The following ADA variants were observed in gnomAD, a reference collection of about 807,000 sequenced individuals.
ADA encodes adenosine deaminase, also known as adenosine aminohydrolase.
Under a neutral mutation model 49.0 loss-of-function variants are expected in ADA, and 45 were observed. That is an observed-to-expected ratio of 0.92 (90% CI 0.72 to 1.18). The LOEUF (loss-of-function observed/expected upper bound fraction) is 1.18. Among genes scored for constraint, ADA ranks in the 50% most tolerant of loss-of-function variants. ADA has a pLI of 0.00. For synonymous variants in ADA, 173 were observed against 184.2 expected, an observed-to-expected ratio of 0.94 and a Z score of 0.49; for missense variants, 445 against 472.5, an observed-to-expected ratio of 0.94 and a Z score of 0.54.
At position 44,625,692 on chromosome 20, in the gene ADA, A is replaced by C. The variant is rs1015455929; in HGVS notation, c.363-8T>G. 2.6e-6 allele frequency: 4 copies of C among 1,554,136 alleles called. No individual in the cohort carries two copies. The highest frequency in any genetic ancestry group is 3.5e-6 in the Non-Finnish European group (4 of 1,147,572). On this transcript the variant is annotated splice_region_variant and splice_polypyrimidine_tract_variant and intron_variant, in intron 4 of 11. Transcript: ENST00000372874. ...TCTGGGGTGAGGTCCCCTCTGTGTG[A>C]GGAGAGGAGTAGGGATGGGCCTGAG...
At chr20:44,642,230 T>C (rs577172588) in intron 1 of ADA, among the ~76,000 whole-genome samples, 40 of 152,192 alleles carry the variant, frequency 2.6e-4, no homozygotes, top group Non-Finnish European at 4.7e-4. Context: ...GGACAAGCAG[T>C]ATGAGGTCAA....
At chr20:44,625,272 T>C (rs763367946) in intron 5 of ADA, among the ~76,000 whole-genome samples, 2 of 152,186 alleles carry the variant, frequency 1.3e-5, no homozygotes, top group African/African-American at 2.4e-5. Flanking sequence ...GACTATGGGC[T>C]GATCAGAATC....
chr20:44,636,314 A>G (rs768358028), intron 1 of ADA, 26 bp from the exon 2 acceptor site: 5 of 1,547,814 alleles, frequency 3.2e-6, no homozygotes, highest in East Asian at 2.3e-5. Flanking sequence ...GGGAAGAGAG[A>G]GAGAAAGGGA....
At chr20:44,649,653 G>T (rs1342220379) in intron 1 of ADA, among the ~76,000 whole-genome samples, 2 of 151,924 alleles carry the variant, frequency 1.3e-5, no homozygotes, top group Non-Finnish European at 1.5e-5. Context: ...GGATCCAATG[G>T]GTGTCTGCAA....
At chr20:44,637,370 G>A (rs750148957) in intron 1 of ADA, among the ~76,000 whole-genome samples, 1 of 152,144 alleles carries the variant, frequency 6.6e-6, no homozygotes, top group Non-Finnish European at 1.5e-5. Flanking sequence ...CAGTGTAGGT[G>A]GACATGGATA....
At chr20:44,635,947 C>T (rs546224905) in intron 2 of ADA, 11 of 489,126 alleles carry the variant, frequency 2.2e-5, no homozygotes, top group Admixed American at 1.6e-4. Flanking sequence ...CCTTCATGCA[C>T]GTATGTGGGT....
intron 8 of ADA, 85 bp from the exon 9 acceptor site, chr20:44,622,737 C>G: frequency 6.2e-7 from 1 of 1,613,710 alleles, no homozygotes; most frequent in Non-Finnish European, 8.5e-7. Flanking sequence ...GGCCACCCCT[C>G]GAGTTCCTGG....
intron 2 of ADA, among the ~76,000 whole-genome samples, chr20:44,631,696 C>A (rs565605728): frequency 2.0e-5 from 3 of 152,172 alleles, no homozygotes; most frequent in Non-Finnish European, 4.4e-5. Flanking sequence ...TCAGACTCTG[C>A]CTTTTACACA....
In ADA at chr20:44,628,640, C is replaced by T. The variant is rs371363788; in HGVS notation, c.218+407G>A. ...TTCGGTACCTAGTGCTGTTCCCTGG[C>T]GACTCAAGACAAGAAAAAGAAAAAG... On this transcript the variant is annotated intron_variant, in intron 3 of 11. Transcript: ENST00000372874. Among the ~76,000 whole-genome samples the T allele has an allele frequency of 9.2e-5, 14 of 152,192 alleles. 1 individual carries two copies. In the South Asian group the frequency reaches 2.3e-3, roughly 25 times the overall value.
chr20:44,638,666 A>G (rs1425009490), intron 1 of ADA, among the ~76,000 whole-genome samples: 3 of 152,210 alleles, frequency 2.0e-5, no homozygotes, highest in Non-Finnish European at 4.4e-5. Context: ...GGAGGGTCCA[A>G]GTCCTGTTCC....
chr20:44,626,959 G>A (rs527884644), intron 3 of ADA, among the ~76,000 whole-genome samples: 12 of 152,110 alleles, frequency 7.9e-5, no homozygotes, highest in East Asian at 5.8e-4. Flanking sequence ...TTCCTGCCAC[G>A]GAGAGTGACA....
In ADA at chr20:44,625,679, T is replaced by A; in HGVS notation, c.368A>T (p.Asp123Val). Residue 123 changes from aspartate to valine, a missense_variant, in exon 5 of 12, where the codon GAC (aspartate) becomes GTC (valine). By Grantham distance (152) the Asp-to-Val change is radical. Transcript: ENST00000372874. The part of the protein sequence containing the change: ...EPIPWNQAEG[D>V]LTPDEVVALV... ...GGCCACCACCTCGTCTGGGGTGAGG[T>A]CCCCTCTGTGTGAGGAGAGGAGTAG... is the stretch of plus-strand genomic sequence containing the variant. 1 of 1,559,934 alleles carries A rather than the reference T, an allele frequency of 6.4e-7. No individual in the cohort carries two copies. The highest frequency in any genetic ancestry group is 8.7e-7 in the Non-Finnish European group (1 of 1,151,332).
chr20:44,647,232 C>G (rs538834644), intron 1 of ADA, among the ~76,000 whole-genome samples: 2 of 151,878 alleles, frequency 1.3e-5, no homozygotes, highest in Non-Finnish European at 2.9e-5. Context: ...GTCGGGAGTT[C>G]GAGACCAGCC....
At chr20:44,634,923 T>C (rs1389609999) in intron 2 of ADA, among the ~76,000 whole-genome samples, 1 of 152,228 alleles carries the variant, frequency 6.6e-6, no homozygotes, top group East Asian at 1.9e-4. Context: ...CTGAGTTCTT[T>C]CAGCTCCAAA....
chr20:44,651,655 G>A lies in ADA; in HGVS notation c.-48C>T, dbSNP rs757782766. 1.6e-5 allele frequency: 23 copies of A among 1,480,798 alleles called. No homozygotes were observed. Among genetic ancestry groups the A allele is most frequent in the Non-Finnish European group, 1.8e-6 (2 of 1,122,074 alleles). The allele number at this position is 1,480,798 out of a possible 1,614,324, so 91.7% of individuals were successfully genotyped here. A position where few individuals can be genotyped will look rare whatever the true frequency, so the allele number is the denominator to read the frequency against. On this transcript the variant is annotated 5_prime_UTR_variant, in exon 1 of 12. Transcript: ENST00000372874. ...CTGCTCCCTCCGCCGCCGCTCGGTGGGTCTCTGCCGGCTCGGTGGCCGCTC... is the reference window on the plus strand; with the variant it reads ...CTGCTCCCTCCGCCGCCGCTCGGTGAGTCTCTGCCGGCTCGGTGGCCGCTC...
intron 1 of ADA, among the ~76,000 whole-genome samples, chr20:44,647,917 A>G (rs1345935271): frequency 2.6e-5 from 4 of 152,042 alleles, no homozygotes; most frequent in Non-Finnish European, 5.9e-5. Flanking sequence ...ACTGCGGCAC[A>G]CGCCTGTAGT....
At chr20:44,650,201 G>C (rs575893880) in intron 1 of ADA, among the ~76,000 whole-genome samples, 2 of 152,324 alleles carry the variant, frequency 1.3e-5, no homozygotes, top group East Asian at 3.9e-4. Context: ...GTGGGGGTAG[G>C]AGGGCTTGTA....
chr20:44,635,837 G>A (rs2065474366), intron 2 of ADA, among the ~76,000 whole-genome samples: 1 of 152,112 alleles, frequency 6.6e-6, no homozygotes, highest in South Asian at 2.1e-4. Context: ...GGTGGAGGTT[G>A]CAGTGAGCCG....
Position 44,625,645 on chromosome 20 carries a change from GCCCACTAGGGCC to G in ADA, c.390_401del (p.Ala131_Gly134del). The stretch of plus-strand genomic sequence containing the variant: ...CTCGCTCCCCCTCCTGCAGGCCCTG[GCCCACTAGGGCC>G]ACCACCTCGTCTGGGGTGAGGTCCC... On this transcript the variant is annotated inframe_deletion, in exon 5 of 12. Coordinates refer to ENST00000372874, the MANE Select transcript of ADA (RefSeq NM_000022.4). The G allele has an allele frequency of 6.3e-7, 1 of 1,575,650 alleles. No individual in the cohort carries two copies. Among genetic ancestry groups the G allele is most frequent in the East Asian group, 2.3e-5 (1 of 43,150 alleles).
Sources: allele counts gnomAD v4.1 joint callset (sites outside exome capture counted in the v4.1 genomes callset), GRCh38; gene constraint gnomAD v4.1.1; transcripts MANE v1.5; gene names NCBI Gene and HGNC (gene_info 2026-07-23, HGNC 2026-07-21).